LMO3: variants seen among roughly 807,000 people sequenced by gnomAD.
LMO3 encodes LIM domain only protein 3.
LMO3 carries 2 observed loss-of-function variants against 15.8 expected under a neutral mutation model. The observed-to-expected ratio is 0.13, with a 90% confidence interval of 0.05 to 0.40. The LOEUF is 0.40. Ranked by LOEUF, LMO3 falls within the 10% of genes least tolerant of loss-of-function variation. The pLI is 0.99. For synonymous variants in LMO3, 62 were observed against 63.8 expected (o/e 0.97, Z 0.13); for missense variants, 86 against 182.2 (o/e 0.47, Z 3.04).
chr12:16,590,019 G>C (rs1005178402), intron 2 of LMO3, among the ~76,000 whole-genome samples: 2 of 152,008 alleles, frequency 1.3e-5, no homozygotes, highest in African/African-American at 4.8e-5. Context: ...AAGATTCAAA[G>C]CACATTTGCA....
intron 2 of LMO3, among the ~76,000 whole-genome samples, chr12:16,564,307 AAGAACT>A (rs1172291562): frequency 1.3e-5 from 2 of 152,230 alleles, no homozygotes; most frequent in African/African-American, 4.8e-5. Flanking sequence ...GTGGCATTGC[AAGAACT>A]AAGACAAAAC....
chr12:16,560,753 A>G lies in LMO3; in HGVS notation c.207-215T>C, dbSNP rs1942372403. The stretch of plus-strand genomic sequence containing the variant: ...TGAAAATCACATCTTGTTTGAGAAG[A>G]AAAGGAAAAGACAAATACATTAGGA... On this transcript the variant is annotated intron_variant, in intron 2 of 3. Coordinates refer to ENST00000537304, the MANE Select transcript of LMO3 (RefSeq NM_018640.5). This position sits in a 1 kb window ranked among gnomAD's most constrained non-coding sequence, Gnocchi z 5.0. 1.7e-6 allele frequency: 1 copy of G among 583,988 alleles called. No individual in the cohort carries two copies. Among genetic ancestry groups the G allele is most frequent in the Non-Finnish European group, 3.1e-6 (1 of 322,246 alleles). 36.2% of individuals were successfully genotyped at this position (583,988 alleles called of 1,614,324 possible).
chr12:16,574,007 T>G (rs1212104043), intron 2 of LMO3: 1 of 152,278 alleles, frequency 6.6e-6, no homozygotes, highest in Non-Finnish European at 1.5e-5. Flanking sequence ...CTCCACTGCC[T>G]AATTGCTGCT....
At chr12:16,556,672 G>A (rs998736422) in intron 3 of LMO3, among the ~76,000 whole-genome samples, 2 of 152,194 alleles carry the variant, frequency 1.3e-5, no homozygotes, top group African/African-American at 4.8e-5. Context: ...TTGGCTACTG[G>A]AAGTGGGATA....
chr12:16,560,665 ATTTTATCCTAGG>A lies in LMO3; in HGVS notation c.207-139_207-128del. 1 of 814,966 alleles carries A rather than the reference ATTTTATCCTAGG, an allele frequency of 1.2e-6. No individual in the cohort carries two copies. Among genetic ancestry groups the A allele is most frequent in the Non-Finnish European group, 2.0e-6 (1 of 512,796 alleles). 50.5% of individuals were successfully genotyped at this position (814,966 alleles called of 1,614,324 possible). A position where few individuals can be genotyped will look rare whatever the true frequency, so the allele number is the denominator to read the frequency against. On this transcript the variant is annotated intron_variant, in intron 2 of 3. Coordinates refer to ENST00000537304, the MANE Select transcript of LMO3 (RefSeq NM_018640.5). This position sits in a 1 kb window ranked among gnomAD's most constrained non-coding sequence, Gnocchi z 5.0. ...AATGCTTTATGATGTACACAAGTGG[ATTTTATCCTAGG>A]TGTATGCATAAATATTCTTCTGCAA...
At position 16,582,969 on chromosome 12, in the gene LMO3, G is replaced by C. The variant is rs1943207606; in HGVS notation, c.206+17686C>G. Among the ~76,000 whole-genome samples, 1 of 150,422 alleles carries C rather than the reference G, an allele frequency of 6.6e-6. No homozygotes were observed. Among genetic ancestry groups the C allele is most frequent in the Non-Finnish European group, 1.5e-5 (1 of 67,804 alleles). On this transcript the variant is annotated intron_variant, in intron 2 of 3. Transcript: ENST00000537304. The surrounding 1 kb of genome is among the most constrained non-coding windows in gnomAD (Gnocchi z 4.1). The stretch of plus-strand genomic sequence containing the variant: ...GGCTAATGCAGGAAAATCTCTTGAA[G>C]CTGGGAGGCAGAGGTTGTAGTGAGC...
In LMO3 at chr12:16,578,547, G is replaced by A. The variant is rs1173829691; in HGVS notation, c.207-18009C>T. On this transcript the variant is annotated intron_variant, in intron 2 of 3. Coordinates refer to ENST00000537304, the MANE Select transcript of LMO3 (RefSeq NM_018640.5). The stretch of plus-strand genomic sequence containing the variant: ...TAAAAATCACATTAGGCCGGGCGCC[G>A]TGGCTCATGCCTGTAATCCCAGCCC... Among the ~76,000 whole-genome samples, 8 of 152,258 alleles carry A rather than the reference G, an allele frequency of 5.3e-5. No homozygotes were observed. In the South Asian group the frequency reaches 8.3e-4, roughly 16 times the overall value.
At position 16,560,553 on chromosome 12, in the gene LMO3, A is replaced by ACT; in HGVS notation, c.207-16_207-15insAG. 2.1e-6 allele frequency: 3 copies of ACT among 1,414,568 alleles called. No homozygotes were observed. In the South Asian group the frequency reaches 3.9e-5, roughly 18 times the overall value. The allele number at this position is 1,414,568 out of a possible 1,614,324, so 87.6% of individuals were successfully genotyped here. ...CACCAAAGAGCCTAGAATAAGAAACATTTTTTTTTTTTTACAAACTCTTAC... is the reference window on the plus strand; with the variant it reads ...CACCAAAGAGCCTAGAATAAGAAACACTTTTTTTTTTTTTTACAAACTCTTAC... On this transcript the variant is annotated splice_polypyrimidine_tract_variant and intron_variant, in intron 2 of 3. Coordinates refer to ENST00000537304, the MANE Select transcript of LMO3 (RefSeq NM_018640.5). The surrounding 1 kb of genome is among the most constrained non-coding windows in gnomAD (Gnocchi z 5.0).
chr12:16,573,699 A>G (rs1942900332), intron 2 of LMO3: 1 of 152,226 alleles, frequency 6.6e-6, no homozygotes, highest in African/African-American at 2.4e-5. Context: ...GCGAGTGCTC[A>G]AGTTTTCTCA....
Position 16,598,250 on chromosome 12 carries a change from AAC to A in LMO3, c.206+2403_206+2404del, listed in dbSNP as rs1290735363. 3.3e-5 allele frequency: 5 copies of A among 152,144 alleles called. No individual in the cohort carries two copies. The highest frequency in any genetic ancestry group is 6.6e-5 in the Admixed American group (1 of 15,252). 9.4% of individuals were successfully genotyped at this position (152,144 alleles called of 1,614,324 possible). A position where few individuals can be genotyped will look rare whatever the true frequency, so the allele number is the denominator to read the frequency against. ...ATCTGCGGCATAATCTATAACACGT[AAC>A]ACAGTGTTTTACACACACCAATTCT... On this transcript the variant is annotated intron_variant, in intron 2 of 3. Transcript: ENST00000537304. The surrounding 1 kb of genome is among the most constrained non-coding windows in gnomAD (Gnocchi z 4.3).
At chr12:16,551,614 A>G (rs1407958956) in intron 3 of LMO3, among the ~76,000 whole-genome samples, 2 of 151,128 alleles carry the variant, frequency 1.3e-5, no homozygotes, top group Non-Finnish European at 3.0e-5. Flanking sequence ...TTTAAACCAC[A>G]CTGGAAAGAA....
Position 16,551,082 on chromosome 12 carries a change from C to G in LMO3, c.*140G>C, listed in dbSNP as rs1426199192. On this transcript the variant is annotated 3_prime_UTR_variant, in exon 4 of 4. Transcript: ENST00000537304. ...TTTCACTACATACAGATGCAGTCCG[C>G]CTTTTATTCCATATAACCATCCTGC... 1.7e-6 allele frequency: 1 copy of G among 583,004 alleles called. No individual in the cohort carries two copies. The highest frequency in any genetic ancestry group is 3.1e-6 in the Non-Finnish European group (1 of 324,098). The allele number at this position is 583,004 out of a possible 1,614,324, so 36.1% of individuals were successfully genotyped here. A position where few individuals can be genotyped will look rare whatever the true frequency, so the allele number is the denominator to read the frequency against.
In LMO3 at chr12:16,576,605, C is replaced by A. The variant is rs114253737; in HGVS notation, c.207-16067G>T. The stretch of plus-strand genomic sequence containing the variant: ...GTTACGTACCTGTTTGTCTCTTTCT[C>A]ACTACATAATAAGCTCCCTGAAAAC... On this transcript the variant is annotated intron_variant, in intron 2 of 3. Coordinates refer to ENST00000537304, the MANE Select transcript of LMO3 (RefSeq NM_018640.5). This position sits in a 1 kb window ranked among gnomAD's most constrained non-coding sequence, Gnocchi z 4.1. Among the ~76,000 whole-genome samples the A allele has an allele frequency of 6.6e-6, 1 of 152,178 alleles. No homozygotes were observed. Among genetic ancestry groups the A allele is most frequent in the African/African-American group, 2.4e-5 (1 of 41,430 alleles).
rs1398988347 is a variant in LMO3, at chr12:16,587,237, C to G, written c.206+13418G>C. ...GAACAAAGTGATTCAGATTAAACAG[C>G]TCTGACTATCCATTTTAAGAAAATC... On this transcript the variant is annotated intron_variant, in intron 2 of 3. Coordinates refer to ENST00000537304, the MANE Select transcript of LMO3 (RefSeq NM_018640.5). This position sits in a 1 kb window ranked among gnomAD's most constrained non-coding sequence, Gnocchi z 4.3. Among the ~76,000 whole-genome samples the G allele has an allele frequency of 1.3e-5, 2 of 152,178 alleles. No homozygotes were observed. The highest frequency in any genetic ancestry group is 2.4e-5 in the African/African-American group (1 of 41,448).
chr12:16,585,608 C>T lies in LMO3; in HGVS notation c.206+15047G>A, dbSNP rs1425835074. ...TCTCTCATGCATCAGGCCCTATGTT[C>T]CCACCTGTATTTTCTTTCCGTTGAA... is the stretch of plus-strand genomic sequence containing the variant. On this transcript the variant is annotated intron_variant, in intron 2 of 3. Transcript: ENST00000537304. The surrounding 1 kb of genome is among the most constrained non-coding windows in gnomAD (Gnocchi z 4.7). 6.6e-6 allele frequency among the ~76,000 whole-genome samples: 1 copy of T among 152,140 alleles called. No homozygotes were observed. The highest frequency in any genetic ancestry group is 2.4e-5 in the African/African-American group (1 of 41,414).
At chr12:16,590,039 A>T (rs963679489) in intron 2 of LMO3, among the ~76,000 whole-genome samples, 8 of 152,152 alleles carry the variant, frequency 5.3e-5, no homozygotes, top group Non-Finnish European at 1.2e-4. Flanking sequence ...ATAGCTTCTT[A>T]GCCAAGTATG....
chr12:16,601,585 C>A (rs1943826334), intron 1 of LMO3, among the ~76,000 whole-genome samples: 1 of 151,680 alleles, frequency 6.6e-6, no homozygotes, highest in African/African-American at 2.4e-5. Context: ...TTTATGTAAA[C>A]CTAAAGTATA....
intron 2 of LMO3, among the ~76,000 whole-genome samples, chr12:16,570,610 T>A (rs1799073053): frequency 1.3e-5 from 2 of 152,158 alleles, no homozygotes. Context: ...TCACCATCTT[T>A]CCAAGAGCCA....
At chr12:16,551,479 C>T (rs762028828) in intron 3 of LMO3, 152 bp from the exon 4 acceptor site, 5 of 577,006 alleles carry the variant, frequency 8.7e-6, no homozygotes, top group Non-Finnish European at 1.5e-5. Flanking sequence ...CAGAATTAGA[C>T]CATTTACCAT....
Sources: gnomAD v4.1 joint callset for allele counts (sites outside exome capture counted in the v4.1 genomes callset) on GRCh38, gnomAD v4.1.1 for gene constraint, Gnocchi (gnomAD v3.1) non-coding constraint, MANE v1.5 for transcripts, NCBI Gene and HGNC (gene_info 2026-07-23, HGNC 2026-07-21) for gene names.